Variants in PFN4 observed in about 807,000 individuals in gnomAD.
PFN4 encodes the protein profilin family member 4, also known as profilin-4.
PFN4 carries 10 observed loss-of-function variants against 16.3 expected under a neutral mutation model. That is an observed-to-expected ratio of 0.61 (90% confidence interval 0.38 to 1.04). PFN4 has a LOEUF of 1.04. Among genes scored for constraint, PFN4 ranks in the 50% least tolerant of loss-of-function variants. PFN4 has a pLI of 0.01. For missense variants in PFN4, 136 were observed against 153.6 expected (o/e 0.89, Z 0.61); for synonymous variants, 54 against 56.9 (o/e 0.95, Z 0.23).
At chr2:24,116,684 G>A (rs6710667) in intron 4 of PFN4, among the ~76,000 whole-genome samples, 18,103 of 151,612 alleles carry the variant, frequency 0.12, 1,263 homozygotes, top group South Asian at 0.18. Context: ...GTGAAACCCC[G>A]TCTCTACTAA....
chr2:24,117,358 T>A (rs1225311152), intron 4 of PFN4, among the ~76,000 whole-genome samples: 1 of 152,110 alleles, frequency 6.6e-6, no homozygotes, highest in Non-Finnish European at 1.5e-5. Flanking sequence ...CCTTTTCCTG[T>A]CTATTTAAAG....
At chr2:24,115,761 G>C in intron 4 of PFN4, 150 bp from the exon 5 acceptor site, 2 of 800,928 alleles carry the variant, frequency 2.5e-6, no homozygotes, top group East Asian at 2.6e-5. Flanking sequence ...AGGGTGACTG[G>C]ATAGTTGAAA....
chr2:24,117,392 C>T (rs1287428689), intron 4 of PFN4, among the ~76,000 whole-genome samples: 1 of 151,836 alleles, frequency 6.6e-6, no homozygotes, highest in African/African-American at 2.4e-5. Context: ...AATATTCATG[C>T]CCCTAGAATC....
Position 24,121,307 on chromosome 2 carries a change from A to G in PFN4, c.118-7T>C, listed in dbSNP as rs765897780. ...GGACATCACTGGGCGTTACCTGGAG[A>G]GGTTACATGGTTAGAGCAGGAGTCA... On this transcript the variant is annotated splice_region_variant and splice_polypyrimidine_tract_variant and intron_variant, in intron 2 of 4. Transcript: ENST00000313213. 12 of 1,613,724 alleles carry G rather than the reference A, an allele frequency of 7.4e-6. No individual in the cohort carries two copies. The highest frequency in any genetic ancestry group is 1.0e-5 in the Non-Finnish European group (12 of 1,179,904).
upstream of PFN4, chr2:24,123,440 G>T (rs1666192679): frequency 6.6e-6 from 1 of 152,154 alleles, no homozygotes; most frequent in Non-Finnish European, 1.5e-5. Flanking sequence ...GCCTGAAGCC[G>T]TCCTCCGCCG....
At chr2:24,115,769 A>G (rs1665895177) in intron 4 of PFN4, among the ~76,000 whole-genome samples, 158 bp from the exon 5 acceptor site, 1 of 152,174 alleles carries the variant, frequency 6.6e-6, no homozygotes. Flanking sequence ...TGGATAGTTG[A>G]AACACAGTTC....
At chr2:24,122,195 G>T (rs556685065) in intron 2 of PFN4, among the ~76,000 whole-genome samples, 1 of 152,190 alleles carries the variant, frequency 6.6e-6, no homozygotes, top group Non-Finnish European at 1.5e-5. Flanking sequence ...AGCCGGGCCT[G>T]GTAGCGCACT....
rs1264614505 is a variant in PFN4, at chr2:24,123,121, CG to C, written c.-17del. ...CTTGGACCCCCCTCATCAGGACCTCCGGCACAGGCGCCCGTTTCCCGCCACT... is the reference window on the plus strand; with the variant it reads ...CTTGGACCCCCCTCATCAGGACCTCCGCACAGGCGCCCGTTTCCCGCCACT... On this transcript the variant is annotated 5_prime_UTR_variant, in exon 1 of 5. Coordinates refer to ENST00000313213, the MANE Select transcript of PFN4 (RefSeq NM_199346.3). The C allele has an allele frequency of 6.6e-6, 1 of 152,554 alleles. No homozygotes were observed. Among genetic ancestry groups the C allele is most frequent in the Non-Finnish European group, 1.5e-5 (1 of 68,342 alleles). 9.5% of individuals were successfully genotyped at this position (152,554 alleles called of 1,614,324 possible). A position where few individuals can be genotyped will look rare whatever the true frequency, so the allele number is the denominator to read the frequency against.
intron 3 of PFN4, among the ~76,000 whole-genome samples, chr2:24,120,247 C>T (rs569507192): frequency 2.3e-4 from 35 of 150,234 alleles, no homozygotes; most frequent in African/African-American, 7.1e-4. Flanking sequence ...CCAGCCTGGG[C>T]GACAAAAGTG....
chr2:24,119,192 G>C (rs992680932), intron 4 of PFN4, among the ~76,000 whole-genome samples: 1 of 150,884 alleles, frequency 6.6e-6, no homozygotes, highest in East Asian at 2.0e-4. Context: ...CCCCTATCCT[G>C]CCCCACCTAC....
chr2:24,117,014 ATTT>A (rs58867611), intron 4 of PFN4, among the ~76,000 whole-genome samples: 14,765 of 131,426 alleles, frequency 0.11, 510 homozygotes, highest in South Asian at 0.17. Context: ...ACAATCCTGC[ATTT>A]TTTTTTTTTT....
At chr2:24,119,187 A>C (rs922302742) in intron 4 of PFN4, among the ~76,000 whole-genome samples, 4 of 151,092 alleles carry the variant, frequency 2.6e-5, no homozygotes, top group Non-Finnish European at 4.4e-5. Flanking sequence ...CCCCTCCCCT[A>C]TCCTGCCCCA....
At position 24,122,435 on chromosome 2, in the gene PFN4, G is replaced by A. The variant is rs747162835; in HGVS notation, c.101C>T (p.Ala34Val). ...TTTTCTTACATTGAAACCTGGTGAT[G>A]CTACACACAAGCTCCGCTCCTGGAT... Reference protein sequence around the residue: ...IKIQERSLCVASPGFNVTPSD... With the variant: ...IKIQERSLCVVSPGFNVTPSD... Residue 34 changes from alanine (A) to valine (V), a missense_variant, in exon 2 of 5, where the codon GCA becomes GTA. Ala to Val is a moderately conservative substitution (Grantham distance 64). Transcript: ENST00000313213. 1.2e-6 allele frequency: 2 copies of A among 1,612,460 alleles called. No homozygotes were observed. Among genetic ancestry groups the A allele is most frequent in the Non-Finnish European group, 1.7e-6 (2 of 1,178,752 alleles).
intron 4 of PFN4, among the ~76,000 whole-genome samples, chr2:24,117,591 C>T (rs71439115): frequency 0.12 from 18,088 of 151,912 alleles, 1,255 homozygotes; most frequent in South Asian, 0.18. Context: ...TACAGGTACC[C>T]ACCACCACAC....
intron 3 of PFN4, 123 bp downstream of exon 3, chr2:24,121,040 A>G: frequency 3.0e-6 from 4 of 1,332,420 alleles, no homozygotes; most frequent in Non-Finnish European, 4.1e-6. Flanking sequence ...CTGCTATCTC[A>G]AGACAATGGC....
intron 4 of PFN4, among the ~76,000 whole-genome samples, chr2:24,116,494 A>G (rs1052584848): frequency 2.0e-5 from 3 of 152,008 alleles, no homozygotes; most frequent in Non-Finnish European, 2.9e-5. Context: ...GCCAGGTAGC[A>G]CTTCATTTTT....
chr2:24,119,442 T>C, intron 4 of PFN4, 135 bp downstream of exon 4: 4 of 628,104 alleles, frequency 6.4e-6, no homozygotes, highest in South Asian at 2.0e-5. Context: ...CCAGTGGCTA[T>C]GTAAATAACC....
intron 4 of PFN4, among the ~76,000 whole-genome samples, chr2:24,119,180 C>G (rs1386340392): frequency 6.6e-6 from 1 of 152,258 alleles, no homozygotes; most frequent in East Asian, 1.9e-4. Context: ...TGTCTCCCCC[C>G]TCCCCTATCC....
chr2:24,115,749 C>T, intron 4 of PFN4, 138 bp from the exon 5 acceptor site: 1 of 880,020 alleles, frequency 1.1e-6, no homozygotes, highest in Non-Finnish European at 1.8e-6. Flanking sequence ...ACTGGAGAAA[C>T]AAGGGTGACT....
Sources: gnomAD v4.1 joint callset for allele counts (sites outside exome capture counted in the v4.1 genomes callset) on GRCh38, gnomAD v4.1.1 for gene constraint, MANE v1.5 for transcripts, NCBI Gene and HGNC (gene_info 2026-07-23, HGNC 2026-07-21) for gene names.